Variants in UNC13B observed in about 807,000 individuals in gnomAD.
The protein encoded by UNC13B is unc-13 homolog B.
Under a neutral mutation model 211.0 loss-of-function variants are expected in UNC13B, and 144 were observed. The observed-to-expected ratio is 0.68, with a 90% confidence interval of 0.60 to 0.78. The LOEUF (loss-of-function observed/expected upper bound fraction) is 0.78. Ranked by LOEUF, UNC13B falls within the 30% of genes least tolerant of loss-of-function variation. The pLI is 0.00. For synonymous variants in UNC13B, 709 were observed against 725.8 expected (o/e 0.98, Z 0.37); for missense variants, 1,777 against 2,002.0 (o/e 0.89, Z 2.14).
intron 6 of UNC13B, among the ~76,000 whole-genome samples, chr9:35,258,069 G>A (rs945244390): frequency 2.6e-5 from 4 of 152,198 alleles, no homozygotes; most frequent in Non-Finnish European, 2.9e-5. Flanking sequence ...GGCCTTGCAC[G>A]TAGTGGATAC....
At chr9:35,180,776 G>A (rs925968084) in intron 1 of UNC13B, among the ~76,000 whole-genome samples, 15 of 152,038 alleles carry the variant, frequency 9.9e-5, no homozygotes, top group African/African-American at 3.1e-4. Flanking sequence ...AATCAATTAA[G>A]TGGGTGACCA....
At chr9:35,178,197 T>C (rs1210794020) in intron 1 of UNC13B, among the ~76,000 whole-genome samples, 1 of 152,180 alleles carries the variant, frequency 6.6e-6, no homozygotes, top group East Asian at 1.9e-4. Flanking sequence ...AGAGGCATCA[T>C]TATTTTATGT....
chr9:35,347,137 G>C (rs1564153301), intron 11 of UNC13B, among the ~76,000 whole-genome samples: 1 of 152,070 alleles, frequency 6.6e-6, no homozygotes, highest in Non-Finnish European at 1.5e-5. Context: ...TGGGCTCAAA[G>C]GATCTTCCTG....
chr9:35,291,476 T>C (rs10814221), intron 7 of UNC13B, among the ~76,000 whole-genome samples: 34,766 of 152,168 alleles, frequency 0.23, 4,248 homozygotes, highest in Non-Finnish European at 0.28. Context: ...TAGGATGAAC[T>C]AGAGTCAAGG....
chr9:35,383,499 T>G (rs1413797229), intron 21 of UNC13B, among the ~76,000 whole-genome samples: 1 of 152,196 alleles, frequency 6.6e-6, no homozygotes, highest in Admixed American at 6.5e-5. Flanking sequence ...GTGTAACTTA[T>G]TAAGCCAGTC....
chr9:35,367,020 T>G, intron 12 of UNC13B, 27 bp downstream of exon 12: 1 of 1,605,220 alleles, frequency 6.2e-7, no homozygotes, highest in East Asian at 2.2e-5. Flanking sequence ...AAGGTTTCTG[T>G]GGATTTTATT....
intron 12 of UNC13B, among the ~76,000 whole-genome samples, chr9:35,369,283 C>T (rs552036474): frequency 6.6e-6 from 1 of 152,302 alleles, no homozygotes; most frequent in East Asian, 1.9e-4. Context: ...AGCTACCCAA[C>T]TTTCCCAACG....
intron 11 of UNC13B, among the ~76,000 whole-genome samples, chr9:35,315,903 CA>C (rs1311593440): frequency 2.0e-5 from 3 of 151,806 alleles, no homozygotes; most frequent in Non-Finnish European, 2.9e-5. Context: ...AGGAATTACA[CA>C]AAAAAAATGA....
chr9:35,399,268 C>T lies in UNC13B; in HGVS notation c.12182C>T (p.Pro4061Leu), dbSNP rs1410465047. 1 of 1,614,172 alleles carries T rather than the reference C, an allele frequency of 6.2e-7. No individual in the cohort carries two copies. ...ATGGAGAGGATGATTGTTCTGCCCCCACTCACTGACCAGACGGTAAGGACA... is the reference window on the plus strand; with the variant it reads ...ATGGAGAGGATGATTGTTCTGCCCCTACTCACTGACCAGACGGTAAGGACA... ...NTMERMIVLP[P>L]LTDQTGTQLI... is the part of the protein sequence containing the mutation. Residue 4061 changes from proline (P) to leucine (L), a missense_variant, in exon 34 of 40, where the codon CCA becomes CTA. Coordinates refer to ENST00000635942, the MANE Select transcript of UNC13B (RefSeq NM_001371189.2).
intron 26 of UNC13B, among the ~76,000 whole-genome samples, chr9:35,392,809 T>A (rs1835622401): frequency 6.7e-6 from 1 of 149,604 alleles, no homozygotes; most frequent in South Asian, 2.1e-4. Flanking sequence ...TAAAATAAAA[T>A]AAAGAAAAGG....
chr9:35,349,347 GA>G (rs56137649), intron 11 of UNC13B, among the ~76,000 whole-genome samples: 10,800 of 115,462 alleles, frequency 0.094, 577 homozygotes, highest in East Asian at 0.35. Context: ...GGTTGGGGAG[GA>G]AAAAAAAAAA....
At chr9:35,175,381 T>C (rs534566991) in intron 1 of UNC13B, among the ~76,000 whole-genome samples, 1 of 152,322 alleles carries the variant, frequency 6.6e-6, no homozygotes, top group Admixed American at 6.5e-5. Flanking sequence ...AAGGGGCTGA[T>C]GCTGCCGCCA....
intron 1 of UNC13B, among the ~76,000 whole-genome samples, chr9:35,202,458 C>T (rs1440914626): frequency 6.6e-6 from 1 of 152,132 alleles, no homozygotes; most frequent in Non-Finnish European, 1.5e-5. Context: ...GTGTTAAAGT[C>T]TCCCCTTATT....
chr9:35,309,371 A>G (rs1042550816), intron 9 of UNC13B, among the ~76,000 whole-genome samples: 3 of 152,090 alleles, frequency 2.0e-5, no homozygotes, highest in Non-Finnish European at 4.4e-5. Context: ...GCCTGAAAAT[A>G]CCAGGTAATT....
At chr9:35,374,608 T>G (rs1489389725) in intron 13 of UNC13B, among the ~76,000 whole-genome samples, 1 of 152,242 alleles carries the variant, frequency 6.6e-6, no homozygotes, top group Non-Finnish European at 1.5e-5. Context: ...CCTTTTCACT[T>G]GCCAAGTGCC....
At chr9:35,345,407 A>G (rs1832289663) in intron 11 of UNC13B, among the ~76,000 whole-genome samples, 1 of 152,170 alleles carries the variant, frequency 6.6e-6, no homozygotes, top group Non-Finnish European at 1.5e-5. Context: ...CTTACTTGAC[A>G]GGATTTTTGC....
chr9:35,163,290 A>G (rs1395262206), intron 1 of UNC13B, among the ~76,000 whole-genome samples: 1 of 152,150 alleles, frequency 6.6e-6, no homozygotes, highest in Non-Finnish European at 1.5e-5. Flanking sequence ...GAGAGTTCAT[A>G]TTTCTTTTGG....
chr9:35,316,107 G>T (rs375600396), intron 11 of UNC13B, among the ~76,000 whole-genome samples: 1 of 152,140 alleles, frequency 6.6e-6, no homozygotes, highest in East Asian at 1.9e-4. Context: ...CTGGTATTTT[G>T]TTCCTTATCA....
At chr9:35,388,036 G>T (rs2132294681) in intron 24 of UNC13B, among the ~76,000 whole-genome samples, 1 of 152,256 alleles carries the variant, frequency 6.6e-6, no homozygotes, top group South Asian at 2.1e-4. Flanking sequence ...AAAGAAAGGG[G>T]CTGGAGGGAA....
Sources: gnomAD v4.1 joint callset for allele counts (sites outside exome capture counted in the v4.1 genomes callset) on GRCh38, gnomAD v4.1.1 for gene constraint, MANE v1.5 for transcripts, NCBI Gene and HGNC (gene_info 2026-07-23, HGNC 2026-07-21) for gene names.